ZNF268: variants seen among roughly 807,000 people sequenced by gnomAD.
The protein encoded by ZNF268 is zinc finger protein 3.
In ZNF268, 20 loss-of-function variants were observed where a neutral mutation model predicts 29.3. That is an observed-to-expected ratio of 0.68 (90% CI 0.48 to 0.99). The LOEUF (loss-of-function observed/expected upper bound fraction) is 0.99, where lower values mean the gene tolerates loss of function less well. ZNF268 is among the 50% of genes least tolerant of loss of function. The pLI, the probability that ZNF268 is intolerant of heterozygous loss-of-function variation, is 0.00. For missense variants in ZNF268, 1,240 were observed against 1,121.6 expected (o/e 1.11, Z -1.51); for synonymous variants, 429 against 376.9 (o/e 1.14, Z -1.60).
At chr12:133,199,679 GT>G (rs1956703198) in intron 5 of ZNF268, among the ~76,000 whole-genome samples, 3 of 152,112 alleles carry the variant, frequency 2.0e-5, no homozygotes, top group South Asian at 4.2e-4. Flanking sequence ...ACTCTTTTTG[GT>G]TGGTAAGCTA....
chr12:133,210,802 G>T lies in ZNF268; in HGVS notation c.*6272G>T, dbSNP rs778860984. On this transcript the variant is annotated 3_prime_UTR_variant, in exon 6 of 6. Coordinates refer to ENST00000536435, the MANE Select transcript of ZNF268 (RefSeq NM_003415.3). ...AGGTCCTGAGTAGAAGGAAGGCCTG[G>T]TCCTCTGTGGATTCAACCCAGAGGT... The T allele has an allele frequency of 1.9e-4, 88 of 455,854 alleles. 3 individuals carry two copies. The highest frequency in any genetic ancestry group is 1.3e-3 in the South Asian group (87 of 64,556). The allele number at this position is 455,854 out of a possible 1,614,324, so 28.2% of individuals were successfully genotyped here.
At position 133,208,549 on chromosome 12, in the gene ZNF268, G is replaced by A. The variant is rs1956938664; in HGVS notation, c.*4019G>A. 1 of 152,236 alleles carries A rather than the reference G, an allele frequency of 6.6e-6. No homozygotes were observed. The allele number at this position is 152,236 out of a possible 1,614,324, so 9.4% of individuals were successfully genotyped here. On this transcript the variant is annotated 3_prime_UTR_variant, in exon 6 of 6. Coordinates refer to ENST00000536435, the MANE Select transcript of ZNF268 (RefSeq NM_003415.3). ...AAGTGCCGGTAGTCCCACCTACTGA[G>A]GAGGCTGAGGCAGGAGGTTAGCTTG... is the stretch of plus-strand genomic sequence containing the variant.
intron 2 of ZNF268, among the ~76,000 whole-genome samples, chr12:133,186,041 T>C (rs956464185): frequency 4.6e-5 from 7 of 152,168 alleles, no homozygotes; most frequent in African/African-American, 1.7e-4. Flanking sequence ...TATTAGGTAT[T>C]ATCACCTTAA....
chr12:133,197,052 T>A (rs1018128720), intron 5 of ZNF268, among the ~76,000 whole-genome samples: 5 of 151,670 alleles, frequency 3.3e-5, no homozygotes, highest in African/African-American at 9.7e-5. Flanking sequence ...TAAATATTAT[T>A]ATACTTTAAG....
chr12:133,198,516 G>A (rs989605248), intron 5 of ZNF268, among the ~76,000 whole-genome samples: 5 of 151,554 alleles, frequency 3.3e-5, no homozygotes, highest in Admixed American at 1.3e-4. Flanking sequence ...TTGGCGATGC[G>A]GGCTCTTTTT....
rs1956873065 is a variant in ZNF268, at chr12:133,205,165, A to AC, written c.*635_*636insC. ...ATTCTAAAAAAAAAAAAAAAAAAAA[A>AC]AAAAAAAACCAACCTGTTATTATAT... On this transcript the variant is annotated 3_prime_UTR_variant, in exon 6 of 6. Coordinates refer to ENST00000536435, the MANE Select transcript of ZNF268 (RefSeq NM_003415.3). 1 of 138,356 alleles carries AC rather than the reference A, an allele frequency of 7.2e-6. No individual in the cohort carries two copies. The highest frequency in any genetic ancestry group is 2.7e-5 in the African/African-American group (1 of 37,078). 8.6% of individuals were successfully genotyped at this position (138,356 alleles called of 1,614,324 possible). A position where few individuals can be genotyped will look rare whatever the true frequency, so the allele number is the denominator to read the frequency against.
rs1460152531 is a variant in ZNF268, at chr12:133,181,682, CG to C, written c.-55del. The C allele has an allele frequency of 1.4e-5, 5 of 368,854 alleles. No individual in the cohort carries two copies. Among genetic ancestry groups the C allele is most frequent in the Middle Eastern group, 7.5e-4 (1 of 1,332 alleles). The allele number at this position is 368,854 out of a possible 1,614,324, so 22.8% of individuals were successfully genotyped here. On this transcript the variant is annotated 5_prime_UTR_variant, in exon 1 of 6. Coordinates refer to ENST00000536435, the MANE Select transcript of ZNF268 (RefSeq NM_003415.3). ...CTGCCCCTTCAGGGTTTGGAGGAGCCGGAGGTGCGGAATTCCTCCGGTTTCA... is the reference window on the plus strand; with the variant it reads ...CTGCCCCTTCAGGGTTTGGAGGAGCCGAGGTGCGGAATTCCTCCGGTTTCA...
chr12:133,190,031 T>G (rs1471213338), intron 3 of ZNF268, among the ~76,000 whole-genome samples: 1 of 152,040 alleles, frequency 6.6e-6, no homozygotes, highest in Non-Finnish European at 1.5e-5. Context: ...GATGGTCTCG[T>G]TCTCCTGACT....
chr12:133,183,990 AAC>A (rs1362158595), intron 2 of ZNF268, among the ~76,000 whole-genome samples: 1 of 152,264 alleles, frequency 6.6e-6, no homozygotes, highest in African/African-American at 2.4e-5. Flanking sequence ...GTGCTACTGT[AAC>A]AAAATATCAC....
At position 133,203,951 on chromosome 12, in the gene ZNF268, TGAATGTGGGAAAGCCTTTAATA is replaced by T; in HGVS notation, c.2267_2288del (p.Glu756GlyfsTer33). The stretch of plus-strand genomic sequence containing the variant: ...CAGGAGAAAATCCCTATGAATGCAG[TGAATGTGGGAAAGCCTTTAATA>T]GGAAAGACCAGCTCATTTCACATCA... On this transcript the variant is annotated frameshift_variant, in exon 6 of 6. Coordinates refer to ENST00000536435, the MANE Select transcript of ZNF268 (RefSeq NM_003415.3). LOFTEE classifies it low-confidence loss of function (END_TRUNC). The T allele has an allele frequency of 6.3e-7, 1 of 1,594,416 alleles. No homozygotes were observed. The highest frequency in any genetic ancestry group is 8.5e-7 in the Non-Finnish European group (1 of 1,172,292).
Position 133,192,976 on chromosome 12 carries a change from A to G in ZNF268, c.457+973A>G, listed in dbSNP as rs564147011. 1.2e-4 allele frequency among the ~76,000 whole-genome samples: 19 copies of G among 152,208 alleles called. No homozygotes were observed. The South Asian group carries it at 2.1e-3, about 17-fold the overall frequency. On this transcript the variant is annotated intron_variant, in intron 5 of 5. Transcript: ENST00000536435. ...GCCTGGCCTTGCTAATGGCTTTAAC[A>G]TTATCACTCTATACCTTCTGAGCAC...
chr12:133,211,220 C>G lies in ZNF268; in HGVS notation c.*6690C>G. 1 of 353,254 alleles carries G rather than the reference C, an allele frequency of 2.8e-6. No homozygotes were observed. Among genetic ancestry groups the G allele is most frequent in the Admixed American group, 3.8e-5 (1 of 26,290 alleles). 21.9% of individuals were successfully genotyped at this position (353,254 alleles called of 1,614,324 possible). A position where few individuals can be genotyped will look rare whatever the true frequency, so the allele number is the denominator to read the frequency against. ...TGTATGCAAAATATAAAAAAAAAAC[C>G]CTAAAATTGAACAAGAAGACAACCC... On this transcript the variant is annotated 3_prime_UTR_variant, in exon 6 of 6. Transcript: ENST00000536435.
At chr12:133,200,537 ATTAGC>A (rs1436276518) in intron 5 of ZNF268, among the ~76,000 whole-genome samples, 1 of 152,104 alleles carries the variant, frequency 6.6e-6, no homozygotes, top group Non-Finnish European at 1.5e-5. Context: ...GTAGATGTCT[ATTAGC>A]TCTGCTTTCT....
rs1566380850 is a variant in ZNF268, at chr12:133,202,416, A to G, written c.730A>G (p.Ile244Val). ...FFHSKHEQTV[I>V]GIKYCESIES... ...CCATTCTAAACATGAGCAAACTGTT[A>G]TTGGAATAAAATACTGTGAAAGTAT... The change falls in exon 6 of 6, where the codon ATT (isoleucine) becomes GTT (valine). Residue 244 changes from isoleucine to valine, a missense_variant. By Grantham distance (29) the Ile-to-Val change is conservative (BLOSUM62 3). Transcript: ENST00000536435. 1.9e-6 allele frequency: 3 copies of G among 1,610,882 alleles called. No homozygotes were observed. The highest frequency in any genetic ancestry group is 2.2e-5 in the South Asian group (2 of 90,764).
At position 133,209,719 on chromosome 12, in the gene ZNF268, A is replaced by G. The variant is rs1362792000; in HGVS notation, c.*5189A>G. ...CATGCATCTATAATCCAAGCTACTC[A>G]GGAGAATTGCTTGAACTGGAGAGGC... is the stretch of plus-strand genomic sequence containing the variant. On this transcript the variant is annotated 3_prime_UTR_variant, in exon 6 of 6. Transcript: ENST00000536435. 1 of 152,212 alleles carries G rather than the reference A, an allele frequency of 6.6e-6. No homozygotes were observed. Among genetic ancestry groups the G allele is most frequent in the Non-Finnish European group, 1.5e-5 (1 of 68,038 alleles). The allele number at this position is 152,212 out of a possible 1,614,324, so 9.4% of individuals were successfully genotyped here.
At chr12:133,186,057 C>G (rs949033002) in intron 2 of ZNF268, among the ~76,000 whole-genome samples, 3 of 152,190 alleles carry the variant, frequency 2.0e-5, no homozygotes, top group Admixed American at 6.5e-5. Flanking sequence ...CTTAAAACTT[C>G]ACAGTAGCCC....
rs574698557 is a variant in ZNF268 at position 133,210,661 on chromosome 12, T to G, written c.*6131T>G. On this transcript the variant is annotated 3_prime_UTR_variant, in exon 6 of 6. Coordinates refer to ENST00000536435, the MANE Select transcript of ZNF268 (RefSeq NM_003415.3). ...AGTGCCCTCGGGGGTCTCCGGGTCC[T>G]GAGTAGAAGCAAGGTCTGTTTGTCA... is the stretch of plus-strand genomic sequence containing the variant. 6 of 357,748 alleles carry G rather than the reference T, an allele frequency of 1.7e-5. No homozygotes were observed. Among genetic ancestry groups the G allele is most frequent in the Non-Finnish European group, 2.8e-5 (5 of 179,540 alleles). 22.2% of individuals were successfully genotyped at this position (357,748 alleles called of 1,614,324 possible).
In ZNF268 at chr12:133,203,072, T is replaced by G. The variant is rs1054586688; in HGVS notation, c.1386T>G (p.His462Gln). The change falls in exon 6 of 6, where the codon CAT becomes CAG. Residue 462 changes from histidine (H) to glutamine (Q), a missense_variant. His to Gln is a conservative substitution (Grantham distance 24, BLOSUM62 0). Coordinates refer to ENST00000536435, the MANE Select transcript of ZNF268 (RefSeq NM_003415.3). ...CATTCAAGTCACAGCTCATTGTACA[T>G]CAGGGGATTCACACAGGAGTAAAGC... ...AFTFKSQLIV[H>Q]QGIHTGVKPY... 6.5e-7 allele frequency: 1 copy of G among 1,537,964 alleles called. No homozygotes were observed.
At chr12:133,184,646 T>A in intron 2 of ZNF268, 1 of 422,938 alleles carries the variant, frequency 2.4e-6, no homozygotes, top group Middle Eastern at 4.5e-4. Context: ...TGAGACTGAG[T>A]CTCGCTCTGT....
Sources: gnomAD v4.1 joint callset for allele counts (sites outside exome capture counted in the v4.1 genomes callset) on GRCh38, gnomAD v4.1.1 for gene constraint, MANE v1.5 for transcripts, NCBI Gene and HGNC (gene_info 2026-07-23, HGNC 2026-07-21) for gene names.